AHNAK: variants seen among roughly 807,000 people sequenced by gnomAD.
AHNAK encodes neuroblast differentiation-associated protein AHNAK.
A neutral mutation model predicts 37.8 loss-of-function variants in AHNAK; 23 were observed. The ratio of observed to expected loss-of-function variants is 0.61; its 90% CI spans 0.44 to 0.86. The LOEUF (loss-of-function observed/expected upper bound fraction) is 0.86, where lower values mean the gene tolerates loss of function less well. Among genes scored for constraint, AHNAK ranks in the 40% least tolerant of loss-of-function variants. The pLI, the probability that AHNAK is intolerant of heterozygous loss-of-function variation, is 0.00. For synonymous variants in AHNAK, 2,481 were observed against 2,636.3 expected (o/e 0.94, Z 1.80); for missense variants, 7,411 against 7,319.4 (o/e 1.01, Z -0.46).
rs146441162 is a variant in AHNAK, at chr11:62,501,604, G to T, written c.343-9773C>A. Among the ~76,000 whole-genome samples, 259 of 152,304 alleles carry T rather than the reference G, an allele frequency of 1.7e-3. 2 individuals are homozygous for T. The highest frequency in any genetic ancestry group is 8.1e-3 in the South Asian group (39 of 4,824). On this transcript the variant is annotated intron_variant, in intron 4 of 5. Coordinates refer to the AHNAK transcript ENST00000257247. ...AAAAGAACTTTGTCAAACCCTGAGA[G>T]AAATAAATGCACTTGCCAAACCCCA... is the stretch of plus-strand genomic sequence containing the variant.
chr11:62,517,687 C>T lies in AHNAK; in HGVS notation c.16730G>A (p.Ser5577Asn), dbSNP rs753767516. ...TTCACCAAGGCTGATGTCTGGGGCACTGACACCCCCTGAAACATCCGCACC... is the reference window on the plus strand; with the variant it reads ...TTCACCAAGGCTGATGTCTGGGGCATTGACACCCCCTGAAACATCCGCACC... ...KGGADVSGGV[S>N]APDISLGEGH... The change falls in exon 5 of 5, where the codon AGT becomes AAT. Residue 5577 changes from serine (S) to asparagine (N), a missense_variant. Coordinates refer to ENST00000378024, the MANE Select transcript of AHNAK (RefSeq NM_001620.3). The T allele has an allele frequency of 5.0e-6, 8 of 1,614,220 alleles. No homozygotes were observed. The highest frequency in any genetic ancestry group is 6.8e-6 in the Non-Finnish European group (8 of 1,180,038).
intron 5 of AHNAK, among the ~76,000 whole-genome samples, chr11:62,447,455 T>C (rs1938441190): frequency 6.6e-6 from 1 of 152,160 alleles, no homozygotes; most frequent in Admixed American, 6.6e-5. Flanking sequence ...ACGCTGTTGC[T>C]ATCTCCTGCC....
At chr11:62,544,764 C>G (rs776388686) in intron 1 of AHNAK, among the ~76,000 whole-genome samples, 14 of 151,954 alleles carry the variant, frequency 9.2e-5, no homozygotes, top group Non-Finnish European at 1.8e-4. Flanking sequence ...CACCCTGCCC[C>G]TGGGATTTCC....
intron 5 of AHNAK, among the ~76,000 whole-genome samples, chr11:62,462,899 G>A (rs1208933106): frequency 6.6e-6 from 1 of 152,162 alleles, no homozygotes; most frequent in Non-Finnish European, 1.5e-5. Context: ...GGGAGGCTGA[G>A]GCAGGCCAGT....
Position 62,521,468 on chromosome 11 carries a change from G to A in AHNAK, c.12949C>T (p.Pro4317Ser). The change falls in exon 5 of 5, where the codon CCC becomes TCC. Residue 4317 changes from proline to serine, a missense_variant. By Grantham distance (74) the Pro-to-Ser change is moderately conservative. Transcript: ENST00000378024. ...CTGAATTTGGGCATTTTCACCTTGGGCATCTTCAGGTGCCAGTCTGGGCCA... is the reference window on the plus strand; with the variant it reads ...CTGAATTTGGGCATTTTCACCTTGGACATCTTCAGGTGCCAGTCTGGGCCA... ...VHGPDWHLKM[P>S]KVKMPKFSMP... The A allele has an allele frequency of 1.2e-6, 2 of 1,612,972 alleles. No individual in the cohort carries two copies. The highest frequency in any genetic ancestry group is 1.7e-6 in the Non-Finnish European group (2 of 1,179,808).
In AHNAK at chr11:62,518,999, C is replaced by A; in HGVS notation, c.15418G>T (p.Ala5140Ser). ...ACATCTGGCATCTTGACCTTGGGAG[C>A]CTTCGCCTTGATGTCAAGACCTTCG... ...HVEGLDIKAKAPKVKMPDVDI... is the reference protein window; with the variant it reads ...HVEGLDIKAKSPKVKMPDVDI... The change falls in exon 5 of 5, where the codon GCT (alanine) becomes TCT (serine). Residue 5140 changes from alanine (A) to serine (S), a missense_variant. Transcript: ENST00000378024. The A allele has an allele frequency of 6.2e-7, 1 of 1,614,090 alleles. No homozygotes were observed. The highest frequency in any genetic ancestry group is 8.5e-7 in the Non-Finnish European group (1 of 1,180,004).
At chr11:62,461,082 G>A (rs11231096) in intron 5 of AHNAK, among the ~76,000 whole-genome samples, 52,318 of 134,272 alleles carry the variant, frequency 0.39, 12,062 homozygotes, top group South Asian at 0.69. Context: ...TGATCCGCCC[G>A]CCTCGGCCTC....
At chr11:62,493,586 G>T (rs772902000) in intron 4 of AHNAK, among the ~76,000 whole-genome samples, 1 of 150,740 alleles carries the variant, frequency 6.6e-6, no homozygotes, top group Non-Finnish European at 1.5e-5. Flanking sequence ...CACTCACCTC[G>T]GCCTCCCAAA....
chr11:62,530,115 T>C lies in AHNAK; in HGVS notation c.4302A>G (p.Leu1434=), dbSNP rs764088138. The C allele has an allele frequency of 1.4e-5, 23 of 1,614,174 alleles. No individual in the cohort carries two copies. The highest frequency in any genetic ancestry group is 1.8e-5 in the Non-Finnish European group (21 of 1,180,010). Residue 1434 remains leucine (L), a synonymous_variant, in exon 5 of 5, where the codon CTA becomes CTG. Coordinates refer to ENST00000378024, the MANE Select transcript of AHNAK (RefSeq NM_001620.3). ...CTGGCATCTTGAATTTGGGACCTTT[T>C]AGTTTTGCGTCTGGACCTTCAATAT... The part of the protein sequence containing the change: ...DVNIEGPDAK[L]KGPKFKMPEM...
chr11:62,496,836 A>G (rs1939618902), intron 4 of AHNAK, among the ~76,000 whole-genome samples: 1 of 150,326 alleles, frequency 6.7e-6, no homozygotes, highest in Non-Finnish European at 1.5e-5. Context: ...GAAAGAAAGG[A>G]AGGAAGGAAG....
At position 62,533,494 on chromosome 11, in the gene AHNAK, G is replaced by C; in HGVS notation, c.923C>G (p.Thr308Ser). 6.2e-7 allele frequency: 1 copy of C among 1,614,126 alleles called. No homozygotes were observed. Among genetic ancestry groups the C allele is most frequent in the Non-Finnish European group, 8.5e-7 (1 of 1,180,018 alleles). Residue 308 changes from threonine (T) to serine (S), a missense_variant, in exon 5 of 5, where the codon ACC (threonine) becomes AGC (serine). Thr to Ser is a moderately conservative substitution (Grantham distance 58). Coordinates refer to ENST00000378024, the MANE Select transcript of AHNAK (RefSeq NM_001620.3). ...GACACCAAATTTCGGCACTTTCATGGTGGGAAATTTAATTTTGCCATGATC... is the reference window on the plus strand; with the variant it reads ...GACACCAAATTTCGGCACTTTCATGCTGGGAAATTTAATTTTGCCATGATC... ...SGDHGKIKFP[T>S]MKVPKFGVST...
At position 62,523,790 on chromosome 11, in the gene AHNAK, T is replaced by A; in HGVS notation, c.10627A>T (p.Ile3543Phe). The A allele has an allele frequency of 6.2e-7, 1 of 1,614,104 alleles. No homozygotes were observed. The highest frequency in any genetic ancestry group is 8.5e-7 in the Non-Finnish European group (1 of 1,180,008). ...MPDMNIKAPK[I>F]SMPDIDLNLK... ...TTTAAGTCAATGTCAGGCATGGAGA[T>A]CTTGGGAGCTTTGATATTCATGTCA... The change falls in exon 5 of 5, where the codon ATC becomes TTC. Residue 3543 changes from isoleucine (I) to phenylalanine (F), a missense_variant. Transcript: ENST00000378024.
chr11:62,500,645 C>T (rs1270168446), intron 4 of AHNAK, among the ~76,000 whole-genome samples: 5 of 152,196 alleles, frequency 3.3e-5, no homozygotes, highest in Non-Finnish European at 4.4e-5. Flanking sequence ...TACCAGAAAT[C>T]GAGCTATAGA....
At chr11:62,534,143 C>T (rs543076818) in intron 4 of AHNAK, 69 bp from the exon 5 acceptor site, 1 of 1,459,520 alleles carries the variant, frequency 6.9e-7, no homozygotes, top group Non-Finnish European at 9.1e-7. Context: ...CCGGCCACAG[C>T]CCAGCCGACA....
At chr11:62,470,327 T>C (rs1939008570) in intron 5 of AHNAK, among the ~76,000 whole-genome samples, 1 of 152,070 alleles carries the variant, frequency 6.6e-6, no homozygotes, top group South Asian at 2.1e-4. Flanking sequence ...GCGCCTGTAA[T>C]CCCAGCTACT....
intron 4 of AHNAK, among the ~76,000 whole-genome samples, chr11:62,505,615 G>A (rs1310824782): frequency 6.6e-6 from 1 of 151,996 alleles, no homozygotes; most frequent in Non-Finnish European, 1.5e-5. Flanking sequence ...TTCTCCCTGT[G>A]AGTCCTCTCC....
intron 5 of AHNAK, among the ~76,000 whole-genome samples, chr11:62,475,669 A>G (rs1939129287): frequency 7.4e-6 from 1 of 134,692 alleles, no homozygotes; most frequent in Admixed American, 8.3e-5. Flanking sequence ...CAGTGGCGCG[A>G]TCTCAGCTCA....
In AHNAK at chr11:62,528,100, T is replaced by G. The variant is rs1175272257; in HGVS notation, c.6317A>C (p.Lys2106Thr). 1.2e-6 allele frequency: 2 copies of G among 1,612,102 alleles called. No homozygotes were observed. The highest frequency in any genetic ancestry group is 4.5e-5 in the East Asian group (2 of 44,642). Residue 2106 changes from lysine to threonine, a missense_variant, in exon 5 of 5, where the codon AAG (lysine) becomes ACG (threonine). By Grantham distance (78) the Lys-to-Thr change is moderately conservative (BLOSUM62 -1). Coordinates refer to ENST00000378024, the MANE Select transcript of AHNAK (RefSeq NM_001620.3). Reference sequence around the variant, plus strand: ...GGCCTTGAAGTGCATCTCAGGCATCTTAAGCTTGGGGCCCTTCAGCTTCCC... The same window carrying G: ...GGCCTTGAAGTGCATCTCAGGCATCGTAAGCTTGGGGCCCTTCAGCTTCCC... ...PEGKLKGPKLKMPEMHFKAPK... is the reference protein window; with the variant it reads ...PEGKLKGPKLTMPEMHFKAPK...
At chr11:62,441,126 G>A (rs893320329) in intron 5 of AHNAK, among the ~76,000 whole-genome samples, 5 of 151,830 alleles carry the variant, frequency 3.3e-5, no homozygotes, top group African/African-American at 1.2e-4. Flanking sequence ...TCAGTCTCCT[G>A]AGTAGCTGGG....
Sources: gnomAD v4.1 joint callset for allele counts (sites outside exome capture counted in the v4.1 genomes callset) on GRCh38, gnomAD v4.1.1 for gene constraint, MANE v1.5 for transcripts, NCBI Gene and HGNC (gene_info 2026-07-23, HGNC 2026-07-21) for gene names.